The following SF3A3 variants were observed in gnomAD, a reference collection of about 807,000 sequenced individuals.
The protein encoded by SF3A3 is SAP 61.
SF3A3 carries 9 observed loss-of-function variants against 85.8 expected under a neutral mutation model. The ratio of observed to expected loss-of-function variants is 0.10; its 90% confidence interval spans 0.06 to 0.18. SF3A3 has a LOEUF of 0.18. Among genes scored for constraint, SF3A3 ranks in the 10% least tolerant of loss-of-function variants. SF3A3 has a pLI of 1.00. For missense variants in SF3A3, 306 were observed against 593.3 expected (o/e 0.52, Z 5.03); for synonymous variants, 195 against 204.4 (o/e 0.95, Z 0.39).
Position 37,965,874 on chromosome 1 carries a change from C to G in SF3A3, c.1372+2170G>C, listed in dbSNP as rs570891591. Reference sequence around the variant, plus strand: ...ACCTTACTTCTGTCTAATCAGCCAACAGTGAAATGTGACATAGATCCACTG... The same window carrying G: ...ACCTTACTTCTGTCTAATCAGCCAAGAGTGAAATGTGACATAGATCCACTG... On this transcript the variant is annotated intron_variant, in intron 15 of 16. Coordinates refer to ENST00000373019, the MANE Select transcript of SF3A3 (RefSeq NM_006802.4). 7.9e-5 allele frequency among the ~76,000 whole-genome samples: 12 copies of G among 152,244 alleles called. No homozygotes were observed. In the South Asian group the frequency reaches 2.5e-3, roughly 32 times the overall value.
At chr1:37,979,349 G>A in intron 9 of SF3A3, 116 bp downstream of exon 9, 1 of 798,712 alleles carries the variant, frequency 1.3e-6, no homozygotes, top group East Asian at 2.6e-5. Context: ...GTAGATGCTT[G>A]ATCTCAAGAA....
At chr1:37,969,518 G>C (rs1330633025) in intron 13 of SF3A3, 53 bp downstream of exon 13, 2 of 1,613,534 alleles carry the variant, frequency 1.2e-6, no homozygotes, top group African/African-American at 1.3e-5. Context: ...ACTAAACTCT[G>C]TATCTGTTTC....
At chr1:37,964,040 G>A (rs1404484321) in intron 15 of SF3A3, among the ~76,000 whole-genome samples, 13 of 151,896 alleles carry the variant, frequency 8.6e-5, no homozygotes, top group Admixed American at 7.2e-4. Context: ...TTAGCTGGGT[G>A]TGGTGGCGCA....
intron 14 of SF3A3, among the ~76,000 whole-genome samples, chr1:37,968,923 T>A (rs894819713): frequency 2.0e-5 from 3 of 152,202 alleles, no homozygotes; most frequent in African/African-American, 7.2e-5. Context: ...AAGAATGGCT[T>A]GATAAATATC....
intron 7 of SF3A3, 70 bp from the exon 8 acceptor site, chr1:37,980,794 A>T: frequency 8.0e-7 from 1 of 1,244,734 alleles, no homozygotes; most frequent in South Asian, 1.6e-5. Flanking sequence ...TATTCCCTGC[A>T]GAATATAAAG....
At chr1:37,984,649 G>C (rs1646442702) in intron 5 of SF3A3, 58 bp downstream of exon 5, 1 of 1,119,822 alleles carries the variant, frequency 8.9e-7, no homozygotes, top group East Asian at 2.4e-5. Flanking sequence ...CTGCAAATCT[G>C]AGCTGTCATT....
intron 12 of SF3A3, among the ~76,000 whole-genome samples, chr1:37,974,448 G>GCA (rs1646365858): frequency 6.6e-6 from 1 of 151,708 alleles, no homozygotes; most frequent in Non-Finnish European, 1.5e-5. Context: ...GACTACAGAT[G>GCA]CCCGCCACTA....
chr1:37,967,872 C>CAA (rs539609103), intron 15 of SF3A3, among the ~76,000 whole-genome samples, 172 bp downstream of exon 15: 1 of 151,538 alleles, frequency 6.6e-6, no homozygotes, highest in South Asian at 2.1e-4. Context: ...CAAAACAAAA[C>CAA]AAAAAAACAC....
At chr1:37,989,490 T>A in intron 2 of SF3A3, 58 bp downstream of exon 2, 2 of 1,582,458 alleles carry the variant, frequency 1.3e-6, no homozygotes, top group Non-Finnish European at 1.7e-6. Context: ...GCACTTCACT[T>A]CCCCTCTCTT....
At chr1:37,959,664 A>G (rs1272068758) in intron 16 of SF3A3, among the ~76,000 whole-genome samples, 1 of 151,524 alleles carries the variant, frequency 6.6e-6, no homozygotes, top group Non-Finnish European at 1.5e-5. Context: ...TGCAACCTCT[A>G]CCTCCCCAGT....
chr1:37,978,934 G>A lies in SF3A3; in HGVS notation c.827+54C>T, dbSNP rs985768337. 4 of 1,545,926 alleles carry A rather than the reference G, an allele frequency of 2.6e-6. No homozygotes were observed. The African/African-American group carries it at 5.4e-5, about 21-fold the overall frequency. The stretch of plus-strand genomic sequence containing the variant: ...AAAATGGAATCAGAGCTACTTAGAA[G>A]ACTGTGCAAACACACAGTAAATCGA... On this transcript the variant is annotated intron_variant, in intron 10 of 16. Coordinates refer to ENST00000373019, the MANE Select transcript of SF3A3 (RefSeq NM_006802.4).
intron 1 of SF3A3, 103 bp from the exon 2 acceptor site, chr1:37,989,698 CAGAA>C: frequency 2.1e-6 from 3 of 1,418,876 alleles, no homozygotes; most frequent in Non-Finnish European, 2.9e-6. Context: ...CCAGCTGAGG[CAGAA>C]AGGCCTCTGG....
Position 37,969,476 on chromosome 1 carries a change from A to AAAAAC in SF3A3, c.1171-17_1171-13dup, listed in dbSNP as rs1199980184. On this transcript the variant is annotated splice_polypyrimidine_tract_variant and intron_variant, in intron 13 of 16. Coordinates refer to ENST00000373019, the MANE Select transcript of SF3A3 (RefSeq NM_006802.4). ...CAGTAGGGAATAGGCTAAAAAAGAA[A>AAAAAC]AAAACAAAACAAAACCAAGAAGTGT... is the stretch of plus-strand genomic sequence containing the variant. 4 of 1,613,342 alleles carry AAAAAC rather than the reference A, an allele frequency of 2.5e-6. No homozygotes were observed. The highest frequency in any genetic ancestry group is 1.3e-5 in the African/African-American group (1 of 74,908).
At chr1:37,964,442 T>A (rs968832963) in intron 15 of SF3A3, among the ~76,000 whole-genome samples, 2 of 151,428 alleles carry the variant, frequency 1.3e-5, no homozygotes, top group African/African-American at 4.9e-5. Context: ...CTGTCTCTAC[T>A]AAAAATACAA....
chr1:37,969,842 G>C, intron 12 of SF3A3, 107 bp from the exon 13 acceptor site: 1 of 1,230,474 alleles, frequency 8.1e-7, no homozygotes, highest in Non-Finnish European at 1.1e-6. Context: ...CCAAGGATAA[G>C]GTTCTTTCTT....
intron 14 of SF3A3, 133 bp downstream of exon 14, chr1:37,969,221 T>C (rs1646322575): frequency 1.5e-6 from 1 of 670,562 alleles, no homozygotes; most frequent in Non-Finnish European, 2.6e-6. Context: ...ATGGGCTTGA[T>C]TTTAAAACCA....
At chr1:37,980,502 C>T in intron 8 of SF3A3, 84 bp downstream of exon 8, 1 of 1,415,422 alleles carries the variant, frequency 7.1e-7, no homozygotes, top group East Asian at 2.3e-5. Flanking sequence ...ATACCTAATG[C>T]CCTAAAGTGG....
At chr1:37,965,285 A>C (rs1476971081) in intron 15 of SF3A3, among the ~76,000 whole-genome samples, 7 of 131,064 alleles carry the variant, frequency 5.3e-5, no homozygotes, top group Admixed American at 8.2e-5. Flanking sequence ...GGGCAACATA[A>C]GGAAACCCCA....
chr1:37,965,359 CTT>C (rs34294026), intron 15 of SF3A3, among the ~76,000 whole-genome samples: 134,666 of 148,770 alleles, frequency 0.91, 61,078 homozygotes, highest in East Asian at 1. Context: ...CACTTGCTTT[CTT>C]TGTCATAAGA....
Sources: gnomAD v4.1 joint callset for allele counts (sites outside exome capture counted in the v4.1 genomes callset) on GRCh38, gnomAD v4.1.1 for gene constraint, MANE v1.5 for transcripts, NCBI Gene and HGNC (gene_info 2026-07-23, HGNC 2026-07-21) for gene names.